The following MAPKAP1 variants were observed in gnomAD, a reference collection of about 807,000 sequenced individuals.
MAPKAP1 encodes the protein MAPK associated protein 1, also known as target of rapamycin complex 2 subunit MAPKAP1.
Under a neutral mutation model 65.7 loss-of-function variants are expected in MAPKAP1, and 20 were observed. That is an observed-to-expected ratio of 0.30 (90% CI 0.21 to 0.44). MAPKAP1 has a LOEUF of 0.44. Among genes scored for constraint, MAPKAP1 ranks in the 20% least tolerant of loss-of-function variants. The probability of loss-of-function intolerance (pLI) is 1.00; values close to 1 mark genes in which losing one functional copy is unlikely to be tolerated. For synonymous variants in MAPKAP1, 222 were observed against 244.3 expected (o/e 0.91, Z 0.85); for missense variants, 423 against 648.0 (o/e 0.65, Z 3.77).
chr9:125,504,604 C>T (rs1589242400), intron 8 of MAPKAP1, among the ~76,000 whole-genome samples: 2 of 151,942 alleles, frequency 1.3e-5, no homozygotes, highest in Admixed American at 1.3e-4. Flanking sequence ...AGCAAAACTC[C>T]ACCTCTACTA....
At chr9:125,633,849 T>G (rs770847658) in intron 4 of MAPKAP1, among the ~76,000 whole-genome samples, 1 of 152,244 alleles carries the variant, frequency 6.6e-6, no homozygotes, top group Non-Finnish European at 1.5e-5. Flanking sequence ...CCTAAATGCA[T>G]GTGGAGATAT....
chr9:125,625,702 C>T (rs550135661), intron 4 of MAPKAP1, among the ~76,000 whole-genome samples: 148 of 152,110 alleles, frequency 9.7e-4, no homozygotes, highest in African/African-American at 3.5e-3. Flanking sequence ...GACTGAGGCA[C>T]AAGAATCACT....
At chr9:125,507,558 A>C (rs1295501116) in intron 7 of MAPKAP1, among the ~76,000 whole-genome samples, 1 of 152,140 alleles carries the variant, frequency 6.6e-6, no homozygotes, top group Non-Finnish European at 1.5e-5. Flanking sequence ...TCTCCTTCCC[A>C]TGTTCTATGT....
At chr9:125,524,931 C>T (rs1185170411) in intron 7 of MAPKAP1, among the ~76,000 whole-genome samples, 2 of 152,244 alleles carry the variant, frequency 1.3e-5, no homozygotes, top group South Asian at 4.1e-4. Context: ...CATTCCTACA[C>T]GTGCACTCCT....
intron 9 of MAPKAP1, among the ~76,000 whole-genome samples, chr9:125,479,529 G>A (rs1256222492): frequency 6.6e-6 from 1 of 151,034 alleles, no homozygotes; most frequent in African/African-American, 2.4e-5. Flanking sequence ...GCAGTGAGCC[G>A]AGACTGTACC....
At chr9:125,495,104 G>A (rs1328334549) in intron 8 of MAPKAP1, among the ~76,000 whole-genome samples, 1 of 152,102 alleles carries the variant, frequency 6.6e-6, no homozygotes, top group African/African-American at 2.4e-5. Context: ...ATATGTCTTT[G>A]TCCATGTTCA....
intron 7 of MAPKAP1, among the ~76,000 whole-genome samples, chr9:125,526,433 A>G (rs1038239553): frequency 1.3e-5 from 2 of 152,270 alleles, no homozygotes; most frequent in Non-Finnish European, 2.9e-5. Flanking sequence ...TATCCAGCTA[A>G]TAGCTTATGC....
chr9:125,442,813 T>C (rs1852546561), intron 11 of MAPKAP1, among the ~76,000 whole-genome samples: 1 of 152,206 alleles, frequency 6.6e-6, no homozygotes. Context: ...CTCTTTTAAA[T>C]TGCTACCTAC....
chr9:125,704,934 G>A (rs1835712884), intron 1 of MAPKAP1, among the ~76,000 whole-genome samples: 3 of 152,174 alleles, frequency 2.0e-5, no homozygotes, highest in Non-Finnish European at 2.9e-5. Context: ...TGAAGAAAGT[G>A]ATGCTTGGAG....
intron 1 of MAPKAP1, among the ~76,000 whole-genome samples, chr9:125,680,063 C>A (rs1433682833): frequency 6.6e-6 from 1 of 151,436 alleles, no homozygotes; most frequent in African/African-American, 2.4e-5. Flanking sequence ...AGGGAGTTAA[C>A]AACATGTAAC....
At chr9:125,583,987 C>T (rs1446950159) in intron 5 of MAPKAP1, among the ~76,000 whole-genome samples, 1 of 151,576 alleles carries the variant, frequency 6.6e-6, no homozygotes, top group Non-Finnish European at 1.5e-5. Flanking sequence ...GGCGTGAACC[C>T]GGGAGGCGGA....
rs1237222125 is a variant in MAPKAP1, at chr9:125,632,235, A to AAAAAAAG, written c.498+25415_498+25416insCTTTTTT. ...AGACTCCGTCTCAAAGAAAAAAAAA[A>AAAAAAAG]AAGAAGAAACTCACCATACTAAACT... is the stretch of plus-strand genomic sequence containing the variant. On this transcript the variant is annotated intron_variant, in intron 4 of 11. Transcript: ENST00000265960. Among the ~76,000 whole-genome samples, 1,284 of 131,396 alleles carry AAAAAAAG rather than the reference A, an allele frequency of 9.8e-3. 27 individuals are homozygous for AAAAAAAG. Among genetic ancestry groups the AAAAAAAG allele is most frequent in the African/African-American group, 0.033 (1,224 of 37,214 alleles). 86.2% of individuals were successfully genotyped at this position (131,396 alleles called of 152,430 possible).
chr9:125,669,842 T>A lies in MAPKAP1; in HGVS notation c.325A>T (p.Lys109Ter). 1 of 1,583,530 alleles carries A rather than the reference T, an allele frequency of 6.3e-7. No homozygotes were observed. The highest frequency in any genetic ancestry group is 8.6e-7 in the Non-Finnish European group (1 of 1,159,382). Residue 109 changes from lysine (K) to a stop codon, truncating the protein, a stop_gained, in exon 3 of 12, where the codon AAA (lysine) becomes TAA (stop). Coordinates refer to ENST00000265960, the MANE Select transcript of MAPKAP1 (RefSeq NM_001006617.3). LOFTEE classifies it high-confidence loss of function. Reference sequence around the variant, plus strand: ...CCTGATTGCTTAGAATTTCTTTCTTTCCACTGAATATTTTTGCATTTGATC... The same window carrying A: ...CCTGATTGCTTAGAATTTCTTTCTTACCACTGAATATTTTTGCATTTGATC... ...NQIKCKNIQW[K>*]ERNSKQSAQE...
intron 1 of MAPKAP1, among the ~76,000 whole-genome samples, chr9:125,693,872 C>CACAT (rs1042696705): frequency 4.3e-4 from 63 of 147,278 alleles, no homozygotes; most frequent in South Asian, 1.1e-3. Flanking sequence ...CACACACACA[C>CACAT]ATATATATAT....
chr9:125,508,725 C>T (rs1200256299), intron 7 of MAPKAP1, among the ~76,000 whole-genome samples: 1 of 152,094 alleles, frequency 6.6e-6, no homozygotes. Flanking sequence ...TGTGGTGGTG[C>T]ATGCCTGTAG....
At chr9:125,459,803 T>G in intron 10 of MAPKAP1, among the ~76,000 whole-genome samples, 2 of 147,434 alleles carry the variant, frequency 1.4e-5, no homozygotes, top group African/African-American at 2.6e-5. Flanking sequence ...AGGGAGACCG[T>G]GGAAAGAGAG....
chr9:125,576,526 CCCACGGTCTCCCTCTCTTT>C (rs1437949317), intron 5 of MAPKAP1, among the ~76,000 whole-genome samples: 6 of 152,136 alleles, frequency 3.9e-5, no homozygotes, highest in Non-Finnish European at 7.4e-5. Context: ...TCTCCCTCTC[CCCACGGTCTCCCTCTCTTT>C]CCACGGTCTC....
intron 8 of MAPKAP1, among the ~76,000 whole-genome samples, chr9:125,497,553 TATA>T (rs994937507): frequency 6.6e-6 from 1 of 152,234 alleles, no homozygotes; most frequent in Non-Finnish European, 1.5e-5. Context: ...AAAATGTTGT[TATA>T]ATAAGAGCAC....
rs550186097 is a variant in MAPKAP1, at chr9:125,578,041, G to T, written c.671+7514C>A. Among the ~76,000 whole-genome samples the T allele has an allele frequency of 1.8e-4, 28 of 152,146 alleles. No homozygotes were observed. The South Asian group carries it at 5.4e-3, about 29-fold the overall frequency. On this transcript the variant is annotated intron_variant, in intron 5 of 11. Coordinates refer to ENST00000265960, the MANE Select transcript of MAPKAP1 (RefSeq NM_001006617.3). ...GAAATCGGATGGTTGCCGTGTCTGT[G>T]TAGAAAGAGGTAGACACGGGAGACT...
Sources: gnomAD v4.1 joint callset for allele counts (sites outside exome capture counted in the v4.1 genomes callset) on GRCh38, gnomAD v4.1.1 for gene constraint, MANE v1.5 for transcripts, NCBI Gene and HGNC (gene_info 2026-07-23, HGNC 2026-07-21) for gene names.